The following KDM4B variants were observed in gnomAD, a reference collection of about 807,000 sequenced individuals.
KDM4B encodes the protein lysine-specific demethylase 4B.
KDM4B carries 32 observed loss-of-function variants against 125.2 expected under a neutral mutation model. The observed-to-expected ratio is 0.26, with a 90% confidence interval of 0.19 to 0.34. The LOEUF (loss-of-function observed/expected upper bound fraction) is 0.34, where lower values mean the gene tolerates loss of function less well. KDM4B is among the 10% of genes least tolerant of loss of function. The probability of loss-of-function intolerance (pLI) is 1.00; values close to 1 mark genes in which losing one functional copy is unlikely to be tolerated. For synonymous variants in KDM4B, 721 were observed against 677.9 expected, an observed-to-expected ratio of 1.06 and a Z score of -0.99; for missense variants, 1,190 against 1,577.7, an observed-to-expected ratio of 0.75 and a Z score of 4.16.
intron 1 of KDM4B, among the ~76,000 whole-genome samples, chr19:4,995,879 G>C (rs540024778): frequency 2.1e-4 from 32 of 152,318 alleles, no homozygotes; most frequent in Admixed American, 1.4e-3. Context: ...CCTGGTCGCC[G>C]CGGTGTCACG....
At chr19:5,128,097 G>A (rs192512836) in intron 11 of KDM4B, among the ~76,000 whole-genome samples, 3 of 151,358 alleles carry the variant, frequency 2.0e-5, no homozygotes, top group Admixed American at 6.6e-5. Flanking sequence ...TCCTGTGTGC[G>A]GAGCTACCTG....
intron 16 of KDM4B, 40 bp downstream of exon 16, chr19:5,137,378 C>T (rs1455961357): frequency 1.3e-6 from 2 of 1,528,442 alleles, no homozygotes; most frequent in South Asian, 1.2e-5. Context: ...CTCTGAGAGG[C>T]CTGGGCCCCG....
intron 9 of KDM4B, among the ~76,000 whole-genome samples, chr19:5,100,604 A>G (rs1258126244): frequency 2.6e-5 from 4 of 151,996 alleles, no homozygotes; most frequent in African/African-American, 9.7e-5. Context: ...TTTTTTGTAG[A>G]GATGGGGTCT....
chr19:5,120,311 C>A (rs1238177300), intron 11 of KDM4B, among the ~76,000 whole-genome samples: 1 of 152,082 alleles, frequency 6.6e-6, no homozygotes, highest in African/African-American at 2.4e-5. Flanking sequence ...AGAGCAAGAC[C>A]CAGTATCACA....
At chr19:5,107,837 C>T (rs951897119) in intron 9 of KDM4B, among the ~76,000 whole-genome samples, 1 of 152,254 alleles carries the variant, frequency 6.6e-6, no homozygotes, top group Non-Finnish European at 1.5e-5. Flanking sequence ...TACCCTGTGT[C>T]CTCGAAGGCT....
At chr19:5,024,879 C>T (rs538322427) in intron 2 of KDM4B, among the ~76,000 whole-genome samples, 7 of 152,278 alleles carry the variant, frequency 4.6e-5, no homozygotes, top group South Asian at 2.1e-4. Context: ...ACCCGGGAAA[C>T]GGAGGTTTCA....
At chr19:5,149,135 A>G (rs1488185327) in intron 21 of KDM4B, among the ~76,000 whole-genome samples, 1 of 152,178 alleles carries the variant, frequency 6.6e-6, no homozygotes, top group East Asian at 1.9e-4. Flanking sequence ...AGGGACCGGC[A>G]GGCTTGGCTG....
intron 11 of KDM4B, among the ~76,000 whole-genome samples, chr19:5,127,169 C>T (rs999811358): frequency 2.6e-5 from 4 of 152,180 alleles, no homozygotes; most frequent in Admixed American, 6.5e-5. Flanking sequence ...GCATCCTGGG[C>T]CCCATCTGTA....
intron 22 of KDM4B, 76 bp from the exon 23 acceptor site, chr19:5,151,259 A>C: frequency 1.6e-6 from 2 of 1,240,640 alleles, no homozygotes; most frequent in Non-Finnish European, 2.1e-6. Flanking sequence ...AGCTCCTCTC[A>C]GAGGCCATAG....
At chr19:5,030,663 C>T (rs574695721) in intron 2 of KDM4B, among the ~76,000 whole-genome samples, 11 of 152,372 alleles carry the variant, frequency 7.2e-5, no homozygotes, top group South Asian at 4.1e-4. Context: ...GAGACTCATG[C>T]GGTCATGGCA....
chr19:5,138,356 A>G (rs1479502830), intron 18 of KDM4B: 1 of 453,256 alleles, frequency 2.2e-6, no homozygotes, highest in Non-Finnish European at 4.0e-6. Context: ...AGAATCGAGC[A>G]CCCCATGCAG....
chr19:5,084,446 G>A (rs1299406322), intron 9 of KDM4B, among the ~76,000 whole-genome samples: 6 of 133,322 alleles, frequency 4.5e-5, no homozygotes, highest in Admixed American at 1.6e-4. Flanking sequence ...AATTATATAT[G>A]TTATAATAAT....
intron 8 of KDM4B, chr19:5,079,272 A>T (rs1164164503): frequency 6.6e-6 from 1 of 152,164 alleles, no homozygotes; most frequent in African/African-American, 2.4e-5. Flanking sequence ...GTCACCACTG[A>T]TGACTTTGCC....
At chr19:5,139,243 A>G (rs1180482431) in intron 18 of KDM4B, among the ~76,000 whole-genome samples, 1 of 152,090 alleles carries the variant, frequency 6.6e-6, no homozygotes, top group African/African-American at 2.4e-5. Flanking sequence ...CTCAAGGTTC[A>G]TCCACATTCA....
chr19:5,132,479 G>A (rs1383601957), intron 13 of KDM4B, among the ~76,000 whole-genome samples: 1 of 152,136 alleles, frequency 6.6e-6, no homozygotes, highest in Non-Finnish European at 1.5e-5. Flanking sequence ...TTTCATTGGG[G>A]ATGCATGTAG....
chr19:5,031,553 G>T (rs1165927020), intron 2 of KDM4B, among the ~76,000 whole-genome samples: 13 of 152,246 alleles, frequency 8.5e-5, no homozygotes, highest in Non-Finnish European at 1.6e-4. Flanking sequence ...CCCAGTGGGG[G>T]TCTCTCAGCA....
At chr19:5,057,082 G>A (rs2037434475) in intron 6 of KDM4B, among the ~76,000 whole-genome samples, 1 of 151,038 alleles carries the variant, frequency 6.6e-6, no homozygotes, top group Admixed American at 6.6e-5. Flanking sequence ...GCGCGCGTAT[G>A]TTAGCAAATG....
rs1266769698 is a variant in KDM4B at position 5,038,465 on chromosome 19, C to T, written c.142-1371C>T. Among the ~76,000 whole-genome samples the T allele has an allele frequency of 2.0e-5, 3 of 152,238 alleles. No individual in the cohort carries two copies. The East Asian group carries it at 5.8e-4, about 29-fold the overall frequency. ...CCGGCGCTAACCTGGACTGTCCTTT[C>T]CTTGGGACCAGCCTTGTCTCGGTTT... On this transcript the variant is annotated intron_variant, in intron 3 of 22. Coordinates refer to ENST00000159111, the MANE Select transcript of KDM4B (RefSeq NM_015015.3).
At chr19:4,976,664 C>T (rs2034457522) in intron 1 of KDM4B, among the ~76,000 whole-genome samples, 1 of 152,256 alleles carries the variant, frequency 6.6e-6, no homozygotes, top group African/African-American at 2.4e-5. Context: ...ATGGTGGTTT[C>T]TGCTGTCCCT....
Sources: allele counts gnomAD v4.1 joint callset (sites outside exome capture counted in the v4.1 genomes callset), GRCh38; gene constraint gnomAD v4.1.1; transcripts MANE v1.5; gene names NCBI Gene and HGNC (gene_info 2026-07-23, HGNC 2026-07-21).